The following IGF2BP2 variants were observed in gnomAD, a reference collection of about 807,000 sequenced individuals.
The protein encoded by IGF2BP2 is insulin-like growth factor 2 mRNA-binding protein 2.
Under a neutral mutation model 75.8 loss-of-function variants are expected in IGF2BP2, and 17 were observed. That is an observed-to-expected ratio of 0.22 (90% CI 0.15 to 0.34). The LOEUF is 0.34. Among genes scored for constraint, IGF2BP2 ranks in the 10% least tolerant of loss-of-function variants. The pLI is 1.00. For missense variants in IGF2BP2, 516 were observed against 772.4 expected (o/e 0.67, Z 3.93); for synonymous variants, 288 against 295.6 (o/e 0.97, Z 0.26).
At chr3:185,707,234 A>G (rs1415831858) in intron 2 of IGF2BP2, among the ~76,000 whole-genome samples, 1 of 151,580 alleles carries the variant, frequency 6.6e-6, no homozygotes, top group African/African-American at 2.4e-5. Flanking sequence ...CAAAAAAAAA[A>G]AAGACATCAC....
chr3:185,673,840 G>A (rs1718887726), intron 9 of IGF2BP2, among the ~76,000 whole-genome samples: 1 of 152,176 alleles, frequency 6.6e-6, no homozygotes, highest in Non-Finnish European at 1.5e-5. Context: ...AACCTAAGTG[G>A]TAAGCTCAGG....
rs145961055 is a variant in IGF2BP2 at position 185,673,139 on chromosome 3, C to G, written c.1072-470G>C. 1.4e-3 allele frequency among the ~76,000 whole-genome samples: 219 copies of G among 152,300 alleles called. 3 individuals are homozygous for G. The highest frequency in any genetic ancestry group is 4.7e-3 in the African/African-American group (194 of 41,574). On this transcript the variant is annotated intron_variant, in intron 9 of 15. Coordinates refer to ENST00000382199, the MANE Select transcript of IGF2BP2 (RefSeq NM_006548.6). The stretch of plus-strand genomic sequence containing the variant: ...CTTTCTTTCATCCCAAAGATCAGCT[C>G]AAATGCCCTGTCTGTGCTCTCCAGC...
At position 185,675,806 on chromosome 3, in the gene IGF2BP2, T is replaced by C. The variant is rs201952425; in HGVS notation, c.920A>G (p.Lys307Arg). ...AGTGGCTTACGATGAGATTGTTATC[T>C]TGGTCCCTGTTTCATGTTCAATTTT... ...LKKIEHETGT[K>R]ITISSLQDLS... is the part of the protein sequence containing the mutation. Residue 307 changes from lysine to arginine, a missense_variant, in exon 8 of 16, where the codon AAG becomes AGG. Lys to Arg is a conservative substitution (Grantham distance 26, BLOSUM62 2). Around this residue, in one of 3 missense-constraint regions of IGF2BP2, gnomAD observed 312 missense variants for 474.5 expected, o/e 0.66. Coordinates refer to ENST00000382199, the MANE Select transcript of IGF2BP2 (RefSeq NM_006548.6). 4 of 1,612,868 alleles carry C rather than the reference T, an allele frequency of 2.5e-6. No individual in the cohort carries two copies. In the Admixed American group the frequency reaches 5.0e-5, roughly 20 times the overall value.
At chr3:185,736,476 G>A (rs773422507) in intron 2 of IGF2BP2, among the ~76,000 whole-genome samples, 84 of 152,260 alleles carry the variant, frequency 5.5e-4, no homozygotes, top group African/African-American at 1.9e-3. Context: ...CCATGGGTTC[G>A]GCTCCCCTTC....
intron 2 of IGF2BP2, among the ~76,000 whole-genome samples, chr3:185,723,134 G>T (rs543659487): frequency 6.6e-6 from 1 of 152,324 alleles, no homozygotes; most frequent in Admixed American, 6.5e-5. Flanking sequence ...GTTTATGTGG[G>T]AAGTGGGAAA....
At chr3:185,774,642 C>T (rs2149771876) in intron 2 of IGF2BP2, among the ~76,000 whole-genome samples, 1 of 150,666 alleles carries the variant, frequency 6.6e-6, no homozygotes, top group South Asian at 2.1e-4. Context: ...CTTCAAGAAA[C>T]ACCAGTGGGG....
At chr3:185,695,122 G>A (rs542692794) in intron 4 of IGF2BP2, among the ~76,000 whole-genome samples, 10 of 151,886 alleles carry the variant, frequency 6.6e-5, no homozygotes, top group Admixed American at 1.3e-4. Context: ...TTTCCATGTC[G>A]AAGGAAATAA....
chr3:185,679,272 G>T (rs1049195777), intron 7 of IGF2BP2, among the ~76,000 whole-genome samples: 1 of 151,534 alleles, frequency 6.6e-6, no homozygotes, highest in African/African-American at 2.4e-5. Context: ...CGTTCTCATA[G>T]ATTTTTTCTT....
In IGF2BP2 at chr3:185,647,064, T is replaced by G. The variant is rs1713697451; in HGVS notation, c.1668A>C (p.Glu556Asp). Residue 556 changes from glutamate to aspartate, a missense_variant, in exon 15 of 16, where the codon GAA becomes GAC. Glu to Asp is a conservative substitution (Grantham distance 45, BLOSUM62 2). This residue lies in a region of IGF2BP2 where 129 missense variants were observed against 230.5 expected (regional missense o/e 0.56). Coordinates refer to ENST00000382199, the MANE Select transcript of IGF2BP2 (RefSeq NM_006548.6). The surrounding 1 kb of genome is among the most constrained non-coding windows in gnomAD (Gnocchi z 4.9). ...PRDQTPDENEEVIVRIIGHFF... is the reference protein window; with the variant it reads ...PRDQTPDENEDVIVRIIGHFF... ...AGTGCCCGATAATTCTGACGATCAC[T>G]TCCTCATTTTCATCTGGCGTTTGGT... The G allele has an allele frequency of 6.2e-7, 1 of 1,613,986 alleles. No individual in the cohort carries two copies. Among genetic ancestry groups the G allele is most frequent in the Non-Finnish European group, 8.5e-7 (1 of 1,179,982 alleles).
intron 2 of IGF2BP2, among the ~76,000 whole-genome samples, chr3:185,780,058 T>C (rs1735009221): frequency 6.6e-6 from 1 of 152,222 alleles, no homozygotes; most frequent in Admixed American, 6.5e-5. Context: ...ATGAGCCAGA[T>C]CATGGAAAGT....
chr3:185,692,636 C>T, intron 5 of IGF2BP2, 63 bp downstream of exon 5: 1 of 1,358,370 alleles, frequency 7.4e-7, no homozygotes, highest in Non-Finnish European at 1.0e-6. Context: ...AAACACAGAA[C>T]TCAATGGAAT....
At chr3:185,796,609 T>A in intron 2 of IGF2BP2, among the ~76,000 whole-genome samples, 1 of 110,792 alleles carries the variant, frequency 9.0e-6, no homozygotes. Flanking sequence ...GAACAATTCC[T>A]GAGCTAGGAA....
chr3:185,761,865 TC>T (rs1732414558), intron 2 of IGF2BP2, among the ~76,000 whole-genome samples: 1 of 152,168 alleles, frequency 6.6e-6, no homozygotes, highest in African/African-American at 2.4e-5. Context: ...AAAATAACAG[TC>T]CCTGCATTCG....
chr3:185,750,751 A>T (rs576305640), intron 2 of IGF2BP2, among the ~76,000 whole-genome samples: 1 of 152,212 alleles, frequency 6.6e-6, no homozygotes, highest in East Asian at 1.9e-4. Flanking sequence ...CCCCCCTCAT[A>T]TACTGTCATA....
At chr3:185,727,069 C>G (rs1727435733) in intron 2 of IGF2BP2, among the ~76,000 whole-genome samples, 1 of 151,844 alleles carries the variant, frequency 6.6e-6, no homozygotes, top group African/African-American at 2.4e-5. Flanking sequence ...AAATACAAAA[C>G]TAGCTGGGTG....
chr3:185,765,592 AGAG>A (rs1732929241), intron 2 of IGF2BP2, among the ~76,000 whole-genome samples: 1 of 152,186 alleles, frequency 6.6e-6, no homozygotes, highest in South Asian at 2.1e-4. Context: ...TAGAGGGAAA[AGAG>A]GAGAATTGAG....
chr3:185,772,621 G>A (rs186672385), intron 2 of IGF2BP2, among the ~76,000 whole-genome samples: 9 of 125,950 alleles, frequency 7.1e-5, no homozygotes, highest in African/African-American at 2.5e-4. Context: ...TCGCTGTGTC[G>A]CCCAGGCTGG....
In IGF2BP2 at chr3:185,824,953, T is replaced by C; in HGVS notation, c.8A>G (p.Asn3Ser). ...GCTCAGGTTCCCGATGTAAAGCTTG[T>C]TCATCATCCGTCTCTTCCCCGAGAG... is the stretch of plus-strand genomic sequence containing the variant. MM[N>S]KLYIGNLSPA... Residue 3 changes from asparagine (N) to serine (S), a missense_variant, in exon 1 of 16, where the codon AAC (asparagine) becomes AGC (serine). Transcript: ENST00000382199. 6.5e-7 allele frequency: 1 copy of C among 1,540,264 alleles called. No homozygotes were observed. Among genetic ancestry groups the C allele is most frequent in the Non-Finnish European group, 8.8e-7 (1 of 1,136,590 alleles).
chr3:185,688,449 TCTC>T (rs1721454652), intron 6 of IGF2BP2, among the ~76,000 whole-genome samples: 1 of 152,162 alleles, frequency 6.6e-6, no homozygotes, highest in African/African-American at 2.4e-5. Flanking sequence ...TTCAAGTGAT[TCTC>T]CTGCCTCAGC....
Sources: gnomAD v4.1 joint callset for allele counts (sites outside exome capture counted in the v4.1 genomes callset) on GRCh38, gnomAD v4.1.1 for gene constraint, gnomAD v4.1.1 regional missense constraint, Gnocchi (gnomAD v3.1) non-coding constraint, MANE v1.5 for transcripts, NCBI Gene and HGNC (gene_info 2026-07-23, HGNC 2026-07-21) for gene names.